MZT2B: variants seen among roughly 807,000 people sequenced by gnomAD.
MZT2B encodes the protein mitotic-spindle organizing protein 2B.
Under a neutral mutation model 12.1 loss-of-function variants are expected in MZT2B, and 11 were observed. That is an observed-to-expected ratio of 0.91 (90% CI 0.57 to 1.50). MZT2B has a LOEUF of 1.50. Among genes scored for constraint, MZT2B ranks in the 40% most tolerant of loss-of-function variants. The pLI, the probability that MZT2B is intolerant of heterozygous loss-of-function variation, is 0.00. For missense variants in MZT2B, 209 were observed against 227.7 expected (o/e 0.92, Z 0.53); for synonymous variants, 85 against 109.5 (o/e 0.78, Z 1.40).
chr2:130,198,457 C>T, the MZT2B span: 20 of 1,304,680 alleles, frequency 1.5e-5, 3 homozygotes, highest in East Asian at 8.6e-5. Context: ...CCACGCGCGC[C>T]GCACAGGATT....
the MZT2B span, among the ~76,000 whole-genome samples, chr2:130,196,578 A>G: frequency 2.6e-5 from 4 of 152,376 alleles, no homozygotes; most frequent in South Asian, 2.1e-4. Flanking sequence ...AAGTTCTAGA[A>G]GTAGCCCTAG....
the MZT2B span, among the ~76,000 whole-genome samples, chr2:130,197,768 G>A: frequency 2.1e-3 from 263 of 123,040 alleles, 30 homozygotes; most frequent in African/African-American, 7.2e-3. Flanking sequence ...CACCATGCCC[G>A]GGTAATTTTA....
Position 130,190,615 on chromosome 2 carries a change from G to T in MZT2B, c.466G>T (p.Gly156Cys). The change falls in exon 3 of 3, where the codon GGC becomes TGC. Residue 156 changes from glycine (G) to cysteine (C), a missense_variant. Coordinates refer to ENST00000281871, the MANE Select transcript of MZT2B (RefSeq NM_025029.5). ...GGGPGKSPTRGST is the reference protein window; with the variant it reads ...GGGPGKSPTRCST ...CGGGCCTGGGAAGAGCCCTACACGG[G>T]GCAGCACCTAGGATGGGGCAGAGAC... 3 of 1,607,964 alleles carry T rather than the reference G, an allele frequency of 1.9e-6. No individual in the cohort carries two copies. Among genetic ancestry groups the T allele is most frequent in the Admixed American group, 1.7e-5 (1 of 59,888 alleles).
At chr2:130,202,507 T>C in the MZT2B span, 1 of 1,239,516 alleles carries the variant, frequency 8.1e-7, no homozygotes, top group African/African-American at 1.5e-5. Context: ...GTTCATTTCA[T>C]ACAGATGTTT....
At chr2:130,191,999 G>A (rs775161464), downstream of MZT2B, 83 of 1,614,044 alleles carry the variant, frequency 5.1e-5, 1 homozygote, top group Admixed American at 1.1e-3. Context: ...ACATGAGATC[G>A]AACTTATGGA....
downstream of MZT2B, among the ~76,000 whole-genome samples, chr2:130,195,574 C>A (rs2104753513): frequency 6.6e-6 from 1 of 152,360 alleles, no homozygotes; most frequent in African/African-American, 2.4e-5. Flanking sequence ...ACAACCTGGG[C>A]AGTCACCAGG....
the MZT2B span, chr2:130,202,271 T>C: frequency 1.6e-6 from 2 of 1,268,348 alleles, no homozygotes; most frequent in Non-Finnish European, 2.1e-6. Flanking sequence ...TTACATATAG[T>C]TGCTACACAG....
intron 2 of MZT2B, among the ~76,000 whole-genome samples, chr2:130,186,137 A>G (rs1348764372): frequency 9.3e-5 from 14 of 151,026 alleles, no homozygotes; most frequent in Non-Finnish European, 1.8e-4. Flanking sequence ...GGTGGAGGAC[A>G]TAAGGGGGGT....
chr2:130,189,606 C>T (rs917065930), intron 2 of MZT2B, among the ~76,000 whole-genome samples: 11 of 152,162 alleles, frequency 7.2e-5, no homozygotes, highest in African/African-American at 2.7e-4. Flanking sequence ...TGTGACCCCA[C>T]GGGCAAGCCT....
At chr2:130,203,035 T>C in the MZT2B span, among the ~76,000 whole-genome samples, 1 of 149,596 alleles carries the variant, frequency 6.7e-6, no homozygotes, top group Non-Finnish European at 1.5e-5. Flanking sequence ...GGTTCTTTTT[T>C]CTTTTCTTTT....
At chr2:130,198,626 C>T in the MZT2B span, among the ~76,000 whole-genome samples, 1 of 123,732 alleles carries the variant, frequency 8.1e-6, no homozygotes, top group Admixed American at 8.9e-5. Flanking sequence ...TCAAAGGCTG[C>T]GCGGTTGCTG....
chr2:130,182,251 G>T, upstream of MZT2B: 1 of 1,252,934 alleles, frequency 8.0e-7, no homozygotes. Flanking sequence ...GGGCGCGGCG[G>T]GGCGGAGCGC....
At chr2:130,196,085 C>T in the MZT2B span, 56 of 1,435,196 alleles carry the variant, frequency 3.9e-5, no homozygotes, top group Middle Eastern at 2.4e-4. Context: ...GGAGCCCACA[C>T]GGGGCTTTAC....
chr2:130,195,973 C>T, the MZT2B span, among the ~76,000 whole-genome samples: 231 of 152,364 alleles, frequency 1.5e-3, 3 homozygotes, highest in East Asian at 0.039. Flanking sequence ...AATTAGGAGC[C>T]GAGTCTCACA....
chr2:130,183,282 G>A (rs1328759979), intron 2 of MZT2B: 2 of 272,320 alleles, frequency 7.3e-6, no homozygotes, highest in Non-Finnish European at 1.4e-5. Flanking sequence ...GCAGGCAGAG[G>A]TCTTCCTGCC....
At chr2:130,185,438 T>C (rs943416686) in intron 2 of MZT2B, among the ~76,000 whole-genome samples, 8 of 142,910 alleles carry the variant, frequency 5.6e-5, no homozygotes, top group African/African-American at 2.1e-4. Context: ...CAAGAGCTTG[T>C]GACTGGACTC....
At chr2:130,203,281 T>C in the MZT2B span, among the ~76,000 whole-genome samples, 1 of 152,222 alleles carries the variant, frequency 6.6e-6, no homozygotes, top group Non-Finnish European at 1.5e-5. Flanking sequence ...GGGAGTGCAG[T>C]GTGGGCTGGG....
intron 2 of MZT2B, chr2:130,183,189 C>G (rs1689857126): frequency 3.3e-6 from 1 of 304,942 alleles, no homozygotes; most frequent in Non-Finnish European, 6.2e-6. Flanking sequence ...AGGGTGAGAT[C>G]CTGTCTCTAA....
intron 2 of MZT2B, chr2:130,183,088 G>A (rs1262354410): frequency 2.4e-5 from 12 of 510,282 alleles, no homozygotes; most frequent in Non-Finnish European, 3.8e-5. Flanking sequence ...GACAGTTTGG[G>A]GCTGGGCGCC....
Sources: allele counts gnomAD v4.1 joint callset (sites outside exome capture counted in the v4.1 genomes callset), GRCh38; gene constraint gnomAD v4.1.1; transcripts MANE v1.5; gene names NCBI Gene and HGNC (gene_info 2026-07-23, HGNC 2026-07-21).